Variants in SBNO1 observed in about 807,000 individuals in gnomAD.
SBNO1 encodes the protein protein strawberry notch homolog 1.
SBNO1 carries 23 observed loss-of-function variants against 173.6 expected under a neutral mutation model. That is an observed-to-expected ratio of 0.13 (90% confidence interval 0.10 to 0.19). The LOEUF is 0.19. Among genes scored for constraint, SBNO1 ranks in the 10% least tolerant of loss-of-function variants. The probability of loss-of-function intolerance (pLI) is 1.00; values close to 1 mark genes in which losing one functional copy is unlikely to be tolerated. For missense variants in SBNO1, 1,238 were observed against 1,671.2 expected (o/e 0.74, Z 4.52); for synonymous variants, 632 against 571.5 (o/e 1.11, Z -1.51).
intron 1 of SBNO1, 164 bp downstream of exon 1, chr12:123,364,536 CG>C (rs1284596212): frequency 3.9e-5 from 38 of 983,484 alleles, no homozygotes; most frequent in Non-Finnish European, 4.3e-5. Context: ...CCGAGGGCCC[CG>C]GAGCGCGCGG....
intron 6 of SBNO1, among the ~76,000 whole-genome samples, chr12:123,334,484 G>C (rs758215108): frequency 6.6e-6 from 1 of 152,150 alleles, no homozygotes; most frequent in Non-Finnish European, 1.5e-5. Context: ...AAGGTGGAGG[G>C]ATCACTTGAG....
intron 2 of SBNO1, 62 bp downstream of exon 2, chr12:123,350,248 T>A: frequency 6.3e-7 from 1 of 1,594,878 alleles, no homozygotes. Flanking sequence ...AGTGAGACTA[T>A]CTTAAAAAAA....
At chr12:123,353,819 C>G (rs1874142373) in intron 1 of SBNO1, among the ~76,000 whole-genome samples, 1 of 152,140 alleles carries the variant, frequency 6.6e-6, no homozygotes, top group South Asian at 2.1e-4. Context: ...ACTCTGGAGA[C>G]TATCAAAATG....
intron 7 of SBNO1, 121 bp downstream of exon 7, chr12:123,333,932 C>T: frequency 3.2e-6 from 2 of 618,418 alleles, no homozygotes; most frequent in Non-Finnish European, 2.6e-6. Context: ...ACACATTAAA[C>T]TTTCATAAAT....
Position 123,320,886 on chromosome 12 carries a change from AC to A in SBNO1, c.2324-21del. On this transcript the variant is annotated intron_variant, in intron 17 of 31. Transcript: ENST00000602398. ...AGGGATCTGAGTGTTAAGGAAAGAT[AC>A]ATGTCAAATCATTTGTTAAAACAAG... 6.6e-7 allele frequency: 1 copy of A among 1,511,564 alleles called. No individual in the cohort carries two copies. The allele number at this position is 1,511,564 out of a possible 1,614,324, so 93.6% of individuals were successfully genotyped here.
intron 25 of SBNO1, among the ~76,000 whole-genome samples, chr12:123,310,650 T>G (rs2049029984): frequency 1.3e-5 from 2 of 152,098 alleles, no homozygotes; most frequent in Non-Finnish European, 1.5e-5. Context: ...TTCTCTTGCC[T>G]TAGCCTCCCG....
chr12:123,352,859 G>T (rs527559218), intron 1 of SBNO1, among the ~76,000 whole-genome samples: 2 of 152,122 alleles, frequency 1.3e-5, no homozygotes, highest in African/African-American at 4.8e-5. Flanking sequence ...GTGCAGTGGC[G>T]CGATCTCGGC....
chr12:123,359,532 G>T (rs555857199), intron 1 of SBNO1, among the ~76,000 whole-genome samples: 2 of 137,986 alleles, frequency 1.4e-5, no homozygotes, highest in African/African-American at 5.5e-5. Flanking sequence ...TCCAGACTGG[G>T]CAACAGAGGG....
At chr12:123,364,549 C>A (rs7485502) in intron 1 of SBNO1, 152 bp downstream of exon 1, 3 of 983,716 alleles carry the variant, frequency 3.0e-6, no homozygotes, top group Non-Finnish European at 3.6e-6. Flanking sequence ...AGCGCGCGGC[C>A]GCGAGGAGCG....
At chr12:123,314,575 A>G (rs1593347498) in intron 23 of SBNO1, among the ~76,000 whole-genome samples, 1 of 151,616 alleles carries the variant, frequency 6.6e-6, no homozygotes, top group Non-Finnish European at 1.5e-5. Context: ...TGATCCACCC[A>G]CCTCGGTCTC....
intron 8 of SBNO1, 81 bp from the exon 9 acceptor site, chr12:123,330,590 C>T: frequency 6.6e-6 from 4 of 602,468 alleles, no homozygotes; most frequent in Non-Finnish European, 1.1e-5. Context: ...AAAGCCAGGT[C>T]TTGACACTTA....
At chr12:123,313,020 T>C (rs11057261) in intron 24 of SBNO1, among the ~76,000 whole-genome samples, 80,166 of 151,538 alleles carry the variant, frequency 0.53, 25,322 homozygotes, top group East Asian at 0.71. Context: ...CTGGCCAACA[T>C]GGTGCAACGC....
chr12:123,304,424 C>T (rs1480726597), intron 29 of SBNO1, 158 bp downstream of exon 29: 10 of 537,012 alleles, frequency 1.9e-5, no homozygotes, highest in African/African-American at 1.4e-4. Flanking sequence ...TTAGTAGAGA[C>T]GGGGTTTCTC....
At position 123,364,818 on chromosome 12, in the gene SBNO1, C is replaced by T; in HGVS notation, c.-118G>A. 2.0e-6 allele frequency: 2 copies of T among 977,750 alleles called. No homozygotes were observed. The highest frequency in any genetic ancestry group is 2.4e-6 in the Non-Finnish European group (2 of 822,826). The allele number at this position is 977,750 out of a possible 1,614,324, so 60.6% of individuals were successfully genotyped here. The stretch of plus-strand genomic sequence containing the variant: ...CGGCAGCAGCGGCGTCCTGCTCTGC[C>T]TACCTCCCCGCCGCCATCTTGACGC... On this transcript the variant is annotated 5_prime_UTR_variant, in exon 1 of 32. The change abolishes the stop of an existing upstream ORF in the 5' untranslated region. Coordinates refer to ENST00000602398, the MANE Select transcript of SBNO1 (RefSeq NM_001167856.3).
intron 6 of SBNO1, among the ~76,000 whole-genome samples, chr12:123,335,143 A>AT (rs1871688258): frequency 6.6e-6 from 1 of 152,154 alleles, no homozygotes; most frequent in Admixed American, 6.5e-5. Context: ...GTGAGCTAAG[A>AT]TTGCGCCACT....
chr12:123,362,595 T>C (rs1426437459), intron 1 of SBNO1, among the ~76,000 whole-genome samples: 3 of 150,302 alleles, frequency 2.0e-5, no homozygotes, highest in African/African-American at 7.4e-5. Context: ...GTGAAACCCC[T>C]TTCTGCCAAC....
chr12:123,315,724 T>C, intron 21 of SBNO1, 64 bp from the exon 22 acceptor site: 1 of 894,194 alleles, frequency 1.1e-6, no homozygotes, highest in Non-Finnish European at 1.9e-6. Flanking sequence ...TATTCTGAGA[T>C]GTATTCCTAG....
Position 123,334,146 on chromosome 12 carries a change from A to G in SBNO1, c.816T>C (p.Pro272=), listed in dbSNP as rs750265608. 1 of 1,605,932 alleles carries G rather than the reference A, an allele frequency of 6.2e-7. No individual in the cohort carries two copies. Among genetic ancestry groups the G allele is most frequent in the South Asian group, 1.1e-5 (1 of 88,246 alleles). The change falls in exon 7 of 32, where the codon CCT becomes CCC. Residue 272 remains proline (P), a synonymous_variant. Coordinates refer to ENST00000602398, the MANE Select transcript of SBNO1 (RefSeq NM_001167856.3). ...AAATGGATGTTTTGTACCAAACATC[A>G]GGAGGAGTAACACTGGATAAAGAGC... ...ETSSLSSVTP[P]DVWYKTSISE... is the part of the protein sequence containing the mutation.
chr12:123,291,422 AT>A lies in SBNO1; in HGVS notation c.*4485del, dbSNP rs1173731803. 6.6e-6 allele frequency: 1 copy of A among 152,186 alleles called. No individual in the cohort carries two copies. The highest frequency in any genetic ancestry group is 1.9e-4 in the East Asian group (1 of 5,186). The allele number at this position is 152,186 out of a possible 1,614,324, so 9.4% of individuals were successfully genotyped here. ...GGAGCTTAAAGAAGTCTCAGGAAGC[AT>A]TTTTTAAAATGTGAAAACATCAGGC... On this transcript the variant is annotated 3_prime_UTR_variant, in exon 32 of 32. Coordinates refer to ENST00000602398, the MANE Select transcript of SBNO1 (RefSeq NM_001167856.3).
Sources: gnomAD v4.1 joint callset for allele counts (sites outside exome capture counted in the v4.1 genomes callset) on GRCh38, gnomAD v4.1.1 for gene constraint, MANE v1.5 for transcripts, NCBI Gene and HGNC (gene_info 2026-07-23, HGNC 2026-07-21) for gene names.